The following ADGRL2 variants were observed in gnomAD, a reference collection of about 807,000 sequenced individuals.
ADGRL2 encodes the protein calcium-independent alpha-latrotoxin receptor 2.
A neutral mutation model predicts 157.4 loss-of-function variants in ADGRL2; 44 were observed. The ratio of observed to expected loss-of-function variants is 0.28; its 90% CI spans 0.22 to 0.36. ADGRL2 has a LOEUF of 0.36. Ranked by LOEUF, ADGRL2 falls within the 10% of genes least tolerant of loss-of-function variation. The pLI is 1.00. For synonymous variants in ADGRL2, 585 were observed against 624.7 expected (o/e 0.94, Z 0.95); for missense variants, 1,510 against 1,768.9 (o/e 0.85, Z 2.63).
chr1:81,673,673 C>T (rs1460331954), intron 3 of ADGRL2, among the ~76,000 whole-genome samples: 1 of 152,004 alleles, frequency 6.6e-6, no homozygotes, highest in Non-Finnish European at 1.5e-5. Context: ...CACCACCACG[C>T]CCAGCTAATT....
chr1:81,588,979 G>C (rs2081079918), intron 3 of ADGRL2, among the ~76,000 whole-genome samples: 1 of 152,288 alleles, frequency 6.6e-6, no homozygotes, highest in Admixed American at 6.5e-5. Context: ...ACCTGAAGTT[G>C]CAGGAATGGG....
At chr1:81,535,679 G>C (rs1258857294) in intron 2 of ADGRL2, among the ~76,000 whole-genome samples, 2 of 152,084 alleles carry the variant, frequency 1.3e-5, no homozygotes, top group Non-Finnish European at 2.9e-5. Context: ...GTTTTTAAAA[G>C]CAACATATAA....
chr1:81,869,848 A>C (rs2093646244), intron 2 of ADGRL2, among the ~76,000 whole-genome samples: 1 of 152,046 alleles, frequency 6.6e-6, no homozygotes, highest in Non-Finnish European at 1.5e-5. Flanking sequence ...GGCCAAGTGT[A>C]ATTTTGAATT....
chr1:81,468,206 G>T (rs887047158), intron 2 of ADGRL2, among the ~76,000 whole-genome samples: 1 of 152,172 alleles, frequency 6.6e-6, no homozygotes, highest in African/African-American at 2.4e-5. Flanking sequence ...AGTGATTCTA[G>T]CATTGACCAG....
chr1:81,782,706 T>C (rs2086867068), intron 2 of ADGRL2, among the ~76,000 whole-genome samples: 1 of 152,226 alleles, frequency 6.6e-6, no homozygotes, highest in Non-Finnish European at 1.5e-5. Flanking sequence ...TCCTCCTTCC[T>C]GTTAAGAATC....
chr1:81,690,474 T>A (rs1292279524), intron 3 of ADGRL2, among the ~76,000 whole-genome samples: 1 of 152,164 alleles, frequency 6.6e-6, no homozygotes, highest in Non-Finnish European at 1.5e-5. Flanking sequence ...CCAGCCTGGG[T>A]GACAGAATAA....
intron 3 of ADGRL2, among the ~76,000 whole-genome samples, chr1:81,653,550 C>T (rs1402142723): frequency 1.3e-5 from 2 of 152,068 alleles, no homozygotes; most frequent in Non-Finnish European, 2.9e-5. Context: ...GGAAAGGGAC[C>T]TAAGATACAG....
chr1:81,907,330 G>T (rs1380125890), intron 3 of ADGRL2, 100 bp downstream of exon 3: 2 of 949,828 alleles, frequency 2.1e-6, no homozygotes, highest in African/African-American at 3.3e-5. Flanking sequence ...CCACATCCCA[G>T]CCTATTTATT....
intron 2 of ADGRL2, among the ~76,000 whole-genome samples, chr1:81,890,335 A>G (rs1183793539): frequency 6.6e-6 from 1 of 152,218 alleles, no homozygotes; most frequent in Non-Finnish European, 1.5e-5. Context: ...ATTTAAATAA[A>G]TTATATGGAA....
intron 2 of ADGRL2, among the ~76,000 whole-genome samples, chr1:81,448,334 C>T (rs189033101): frequency 1.5e-3 from 233 of 151,434 alleles, no homozygotes; most frequent in African/African-American, 5.2e-3. Flanking sequence ...TTAGTAGAGA[C>T]GGGGTTTCAC....
At chr1:81,532,195 A>G (rs1014990447) in intron 2 of ADGRL2, among the ~76,000 whole-genome samples, 1 of 152,174 alleles carries the variant, frequency 6.6e-6, no homozygotes, top group Admixed American at 6.6e-5. Context: ...ATTCAGCTCC[A>G]TTATTATTAG....
intron 2 of ADGRL2, among the ~76,000 whole-genome samples, chr1:81,515,564 G>A (rs976852602): frequency 6.6e-6 from 1 of 151,922 alleles, no homozygotes; most frequent in Non-Finnish European, 1.5e-5. Flanking sequence ...TATGTGACTT[G>A]TATATGTGGG....
chr1:81,366,679 T>G (rs1452037037), intron 1 of ADGRL2, among the ~76,000 whole-genome samples: 1 of 152,202 alleles, frequency 6.6e-6, no homozygotes, highest in African/African-American at 2.4e-5. Context: ...TAGCTAATCT[T>G]CCTTTGAAAT....
chr1:81,838,201 G>T (rs941189456), intron 2 of ADGRL2, among the ~76,000 whole-genome samples: 15 of 151,860 alleles, frequency 9.9e-5, no homozygotes, highest in Non-Finnish European at 2.1e-4. Flanking sequence ...TGAATTGCTT[G>T]TTCCAAAGTT....
intron 1 of ADGRL2, among the ~76,000 whole-genome samples, chr1:81,724,421 TATAA>T (rs1204538368): frequency 6.6e-6 from 1 of 152,200 alleles, no homozygotes; most frequent in African/African-American, 2.4e-5. Context: ...CAATGTGAAT[TATAA>T]ATGAGATAAT....
intron 1 of ADGRL2, among the ~76,000 whole-genome samples, chr1:81,402,480 C>T (rs2076774515): frequency 6.6e-6 from 1 of 152,074 alleles, no homozygotes; most frequent in South Asian, 2.1e-4. Context: ...TGCCATCAAC[C>T]CTCTCGGTAT....
intron 2 of ADGRL2, among the ~76,000 whole-genome samples, chr1:81,795,336 T>C (rs1448603082): frequency 2.0e-5 from 3 of 152,060 alleles, no homozygotes; most frequent in African/African-American, 7.2e-5. Context: ...GCCATGATTG[T>C]GCTACTACAC....
intron 2 of ADGRL2, among the ~76,000 whole-genome samples, chr1:81,875,505 A>G (rs2093815169): frequency 1.3e-5 from 2 of 152,178 alleles, no homozygotes; most frequent in African/African-American, 4.8e-5. Context: ...AGCATTGTTC[A>G]TTGTTATATA....
At chr1:81,914,726 G>T (rs2148480340) in intron 3 of ADGRL2, among the ~76,000 whole-genome samples, 1 of 152,210 alleles carries the variant, frequency 6.6e-6, no homozygotes, top group South Asian at 2.1e-4. Context: ...CTCACTCGTG[G>T]CCTAGTTGTT....
Sources: allele counts gnomAD v4.1 joint callset (sites outside exome capture counted in the v4.1 genomes callset), GRCh38; gene constraint gnomAD v4.1.1; transcripts MANE v1.5; gene names NCBI Gene and HGNC (gene_info 2026-07-23, HGNC 2026-07-21).